Variants in LRRIQ3 observed in about 807,000 individuals in gnomAD.
The protein encoded by LRRIQ3 is leucine-rich repeat and IQ domain-containing protein 3.
Under a neutral mutation model 59.3 loss-of-function variants are expected in LRRIQ3, and 75 were observed. The ratio of observed to expected loss-of-function variants is 1.26; its 90% CI spans 1.05 to 1.53. The LOEUF is 1.53. LRRIQ3 is among the 40% of genes most tolerant of loss of function. LRRIQ3 has a pLI of 0.00. For missense variants in LRRIQ3, 831 were observed against 710.0 expected (o/e 1.17, Z -1.94); for synonymous variants, 250 against 231.3 (o/e 1.08, Z -0.73).
At chr1:74,173,408 G>T (rs1157008686) in intron 3 of LRRIQ3, among the ~76,000 whole-genome samples, 1 of 150,356 alleles carries the variant, frequency 6.7e-6, no homozygotes, top group Non-Finnish European at 1.5e-5. Context: ...CCATTTTATT[G>T]TTTTGTTTTG....
At chr1:74,052,573 A>T (rs1482490558) in intron 6 of LRRIQ3, among the ~76,000 whole-genome samples, 9 of 152,102 alleles carry the variant, frequency 5.9e-5, no homozygotes, top group African/African-American at 2.4e-5. Flanking sequence ...ATAATGGTAG[A>T]CATCTCTAAT....
chr1:74,142,732 T>C (rs1288673336), intron 4 of LRRIQ3, among the ~76,000 whole-genome samples: 1 of 152,018 alleles, frequency 6.6e-6, no homozygotes, highest in Non-Finnish European at 1.5e-5. Flanking sequence ...GAGGCGATCA[T>C]GCTGTTACAT....
chr1:74,172,330 T>A (rs1649376359), intron 3 of LRRIQ3, among the ~76,000 whole-genome samples: 7 of 152,208 alleles, frequency 4.6e-5, no homozygotes, highest in Admixed American at 4.6e-4. Flanking sequence ...CAGTGTTTTA[T>A]AATTTCTTTT....
chr1:74,173,126 T>A (rs2100703649), intron 3 of LRRIQ3, among the ~76,000 whole-genome samples: 1 of 151,974 alleles, frequency 6.6e-6, no homozygotes, highest in Non-Finnish European at 1.5e-5. Flanking sequence ...ATCCTGGCCG[T>A]CTCTACTAAA....
At chr1:74,051,916 C>A (rs1557593805) in intron 6 of LRRIQ3, among the ~76,000 whole-genome samples, 1 of 152,070 alleles carries the variant, frequency 6.6e-6, no homozygotes, top group African/African-American at 2.4e-5. Context: ...AAACCAATTT[C>A]ATACCTGGCC....
rs534326676 is a variant in LRRIQ3, at chr1:74,091,118, C to A, written c.868-16328G>T. Among the ~76,000 whole-genome samples the A allele has an allele frequency of 8.5e-5, 13 of 152,098 alleles. No individual in the cohort carries two copies. In the East Asian group the frequency reaches 2.5e-3, roughly 29 times the overall value. On this transcript the variant is annotated intron_variant, in intron 5 of 7. Transcript: ENST00000354431. Reference sequence around the variant, plus strand: ...AGATCAGGAATCAAAAATCAAATCCCATGTTCACCAAAGTAGAAGGTCCTG... The same window carrying A: ...AGATCAGGAATCAAAAATCAAATCCAATGTTCACCAAAGTAGAAGGTCCTG...
At chr1:74,194,523 TAGA>T (rs1464736876) in intron 1 of LRRIQ3, among the ~76,000 whole-genome samples, 2 of 152,152 alleles carry the variant, frequency 1.3e-5, no homozygotes, top group African/African-American at 4.8e-5. Context: ...TTTTGAATTT[TAGA>T]AGGTTATATA....
At chr1:74,048,259 G>T (rs2100407925) in intron 6 of LRRIQ3, among the ~76,000 whole-genome samples, 1 of 152,250 alleles carries the variant, frequency 6.6e-6, no homozygotes, top group East Asian at 1.9e-4. Context: ...GGAGTGCTCA[G>T]AGACATTGAT....
intron 4 of LRRIQ3, among the ~76,000 whole-genome samples, chr1:74,133,215 G>C (rs543982132): frequency 6.1e-4 from 93 of 152,228 alleles, no homozygotes; most frequent in Non-Finnish European, 1.1e-3. Context: ...GGAAACAACA[G>C]GTGCTGGAGA....
At chr1:74,090,879 C>G in intron 5 of LRRIQ3, among the ~76,000 whole-genome samples, 1 of 151,906 alleles carries the variant, frequency 6.6e-6, no homozygotes, top group East Asian at 1.9e-4. Flanking sequence ...GGGCAACAAA[C>G]AGAGTGAGAC....
chr1:74,059,331 G>A lies in LRRIQ3; in HGVS notation c.997+15330C>T, dbSNP rs1413133670. Among the ~76,000 whole-genome samples the A allele has an allele frequency of 4.8e-5, 7 of 146,044 alleles. No individual in the cohort carries two copies. In the East Asian group the frequency reaches 1.4e-3, roughly 28 times the overall value. On this transcript the variant is annotated intron_variant, in intron 6 of 7. Transcript: ENST00000354431. ...TCGTTGCCCAAGTTAAGGTTACAAA[G>A]GTTTACTCCCATCTTCTCTTTTAAG...
At chr1:74,060,219 TTGTTCTTCTTCTTCTTCTTC>T (rs1654673356) in intron 6 of LRRIQ3, among the ~76,000 whole-genome samples, 1 of 12,264 alleles carries the variant, frequency 8.2e-5, no homozygotes, top group South Asian at 7.7e-3. Context: ...CTTCTTCTTC[TTGTTCTTCTTCTTCTTCTTC>T]TTCTTCTTCT....
At chr1:74,092,311 T>C (rs971421083) in intron 5 of LRRIQ3, among the ~76,000 whole-genome samples, 1 of 152,124 alleles carries the variant, frequency 6.6e-6, no homozygotes, top group Non-Finnish European at 1.5e-5. Context: ...TGAACAAACA[T>C]ATTAGTATCA....
At position 74,073,796 on chromosome 1, in the gene LRRIQ3, G is replaced by A. The variant is rs1646165322; in HGVS notation, c.997+865C>T. ...GAAAGATTTGAATGTTTAAGAATTA[G>A]GAGAAGCCCTTGAGAAAAATAAGAC... On this transcript the variant is annotated intron_variant, in intron 6 of 7. Transcript: ENST00000354431. Among the ~76,000 whole-genome samples, 3 of 152,110 alleles carry A rather than the reference G, an allele frequency of 2.0e-5. No individual in the cohort carries two copies. In the South Asian group the frequency reaches 6.2e-4, roughly 32 times the overall value.
At chr1:74,039,948 A>T (rs886778561) in intron 7 of LRRIQ3, among the ~76,000 whole-genome samples, 1 of 152,194 alleles carries the variant, frequency 6.6e-6, no homozygotes, top group Non-Finnish European at 1.5e-5. Flanking sequence ...ATTAACCTAA[A>T]GTGTAAATGG....
At chr1:74,136,268 C>A (rs953591233) in intron 4 of LRRIQ3, among the ~76,000 whole-genome samples, 1 of 151,912 alleles carries the variant, frequency 6.6e-6, no homozygotes, top group Non-Finnish European at 1.5e-5. Flanking sequence ...AAATCCAAGG[C>A]ACAGATGGCT....
chr1:74,026,671 T>A lies in LRRIQ3; in HGVS notation c.*142A>T. The A allele has an allele frequency of 1.5e-6, 1 of 653,306 alleles. No homozygotes were observed. The highest frequency in any genetic ancestry group is 3.2e-5 in the East Asian group (1 of 30,972). 40.5% of individuals were successfully genotyped at this position (653,306 alleles called of 1,614,324 possible). On this transcript the variant is annotated 3_prime_UTR_variant, in exon 8 of 8. Transcript: ENST00000354431. Reference sequence around the variant, plus strand: ...CCAATAAGAGAAACATTTTAACTAATCTTTATATTTTTAGAAGACTTATAT... The same window carrying A: ...CCAATAAGAGAAACATTTTAACTAAACTTTATATTTTTAGAAGACTTATAT...
At chr1:74,122,104 T>A (rs1570152545) in intron 4 of LRRIQ3, among the ~76,000 whole-genome samples, 1 of 152,226 alleles carries the variant, frequency 6.6e-6, no homozygotes, top group East Asian at 1.9e-4. Flanking sequence ...TACCCAGTAA[T>A]GGGATGGCTG....
At chr1:74,133,944 T>C (rs1647074116) in intron 4 of LRRIQ3, among the ~76,000 whole-genome samples, 1 of 152,018 alleles carries the variant, frequency 6.6e-6, no homozygotes, top group South Asian at 2.1e-4. Flanking sequence ...TTTTGTCTTA[T>C]ATGAAATGAC....
Sources: gnomAD v4.1 joint callset for allele counts (sites outside exome capture counted in the v4.1 genomes callset) on GRCh38, gnomAD v4.1.1 for gene constraint, MANE v1.5 for transcripts, NCBI Gene and HGNC (gene_info 2026-07-23, HGNC 2026-07-21) for gene names.